CDH13: variants seen among roughly 807,000 people sequenced by gnomAD.
The protein encoded by CDH13 is cadherin 13, also known as cadherin-13.
Under a neutral mutation model 63.8 loss-of-function variants are expected in CDH13, and 24 were observed. That is an observed-to-expected ratio of 0.38 (90% CI 0.27 to 0.53). CDH13 has a LOEUF of 0.53. Among genes scored for constraint, CDH13 ranks in the 20% least tolerant of loss-of-function variants. CDH13 has a pLI of 0.85. For synonymous variants in CDH13, 503 were observed against 355.3 expected (o/e 1.42, Z -4.67); for missense variants, 1,049 against 903.1 (o/e 1.16, Z -2.07).
intron 13 of CDH13, among the ~76,000 whole-genome samples, chr16:83,793,984 A>G (rs187337311): frequency 2.0e-4 from 31 of 152,290 alleles, no homozygotes; most frequent in Admixed American, 2.0e-3. Flanking sequence ...GAGGGAGGTC[A>G]GAGGTGAAAA....
intron 7 of CDH13, among the ~76,000 whole-genome samples, chr16:83,535,936 AAAGG>A (rs999467515): frequency 2.3e-4 from 27 of 118,316 alleles, no homozygotes; most frequent in Admixed American, 8.0e-4. Flanking sequence ...AGAAGGAAGG[AAAGG>A]AAGGAAGGAA....
At chr16:83,056,250 C>T (rs905590431) in intron 3 of CDH13, among the ~76,000 whole-genome samples, 4 of 152,126 alleles carry the variant, frequency 2.6e-5, no homozygotes, top group African/African-American at 9.7e-5. Flanking sequence ...TCAGAATTCT[C>T]ACACACTGTA....
At chr16:83,481,915 C>A (rs190197737) in intron 6 of CDH13, among the ~76,000 whole-genome samples, 31 of 152,274 alleles carry the variant, frequency 2.0e-4, no homozygotes, top group African/African-American at 7.5e-4. Flanking sequence ...AAGTGGTGGA[C>A]ATGGAGTCCA....
At chr16:83,396,134 T>TTA (rs1273785566) in intron 6 of CDH13, among the ~76,000 whole-genome samples, 1 of 152,216 alleles carries the variant, frequency 6.6e-6, no homozygotes, top group East Asian at 1.9e-4. Flanking sequence ...TTATTCCTTT[T>TTA]TATGGCTGCA....
intron 5 of CDH13, among the ~76,000 whole-genome samples, chr16:83,252,917 TTGGATGG>T: frequency 6.6e-6 from 1 of 152,146 alleles, no homozygotes; most frequent in Non-Finnish European, 1.5e-5. Flanking sequence ...ACCTGTGTCC[TTGGATGG>T]TTGACCTTAA....
intron 1 of CDH13, among the ~76,000 whole-genome samples, chr16:82,791,108 G>T (rs1361593775): frequency 6.6e-6 from 1 of 152,124 alleles, no homozygotes; most frequent in Non-Finnish European, 1.5e-5. Flanking sequence ...GTGGTGGCAG[G>T]TGCCTGCAGT....
chr16:83,091,703 T>A (rs2151583742), intron 3 of CDH13, among the ~76,000 whole-genome samples: 1 of 152,372 alleles, frequency 6.6e-6, no homozygotes, highest in Non-Finnish European at 1.5e-5. Context: ...AAAATATATC[T>A]GCTAGGGTAT....
At chr16:83,412,685 G>A (rs2092145173) in intron 6 of CDH13, among the ~76,000 whole-genome samples, 1 of 152,140 alleles carries the variant, frequency 6.6e-6, no homozygotes, top group Non-Finnish European at 1.5e-5. Flanking sequence ...TGACAAGAAT[G>A]TATGCACTAC....
intron 1 of CDH13, among the ~76,000 whole-genome samples, chr16:82,666,038 A>G (rs1386040310): frequency 6.6e-6 from 1 of 152,204 alleles, no homozygotes; most frequent in Non-Finnish European, 1.5e-5. Context: ...ATATCTGTGT[A>G]TAAATCGTGT....
chr16:83,150,894 A>G (rs965738176), intron 4 of CDH13, among the ~76,000 whole-genome samples: 1 of 152,172 alleles, frequency 6.6e-6, no homozygotes, highest in Non-Finnish European at 1.5e-5. Flanking sequence ...CTGTCATTGT[A>G]GCACTTAGAT....
At position 83,428,537 on chromosome 16, in the gene CDH13, A is replaced by C. The variant is rs187163604; in HGVS notation, c.782-57940A>C. On this transcript the variant is annotated intron_variant, in intron 6 of 13. Transcript: ENST00000567109. Reference sequence around the variant, plus strand: ...TAACAATAACTTTTCATAACTTGTGATGTTTTGTTAAATAACTTCCTGAAC... The same window carrying C: ...TAACAATAACTTTTCATAACTTGTGCTGTTTTGTTAAATAACTTCCTGAAC... Among the ~76,000 whole-genome samples, 131 of 152,294 alleles carry C rather than the reference A, an allele frequency of 8.6e-4. No homozygotes were observed. In the East Asian group the frequency reaches 0.013, roughly 16 times the overall value.
intron 8 of CDH13, among the ~76,000 whole-genome samples, chr16:83,631,105 G>T (rs2150793205): frequency 6.6e-6 from 1 of 152,310 alleles, no homozygotes; most frequent in East Asian, 1.9e-4. Context: ...TGCTGGCATG[G>T]TTCTAGTGAA....
chr16:83,652,087 A>T (rs142153556), intron 8 of CDH13, among the ~76,000 whole-genome samples: 2,259 of 152,218 alleles, frequency 0.015, 28 homozygotes, highest in Non-Finnish European at 0.024. Flanking sequence ...GGACTCAGAA[A>T]CTCCATCAGC....
At chr16:82,860,386 TGTG>T (rs1311113829) in intron 2 of CDH13, among the ~76,000 whole-genome samples, 12 of 31,248 alleles carry the variant, frequency 3.8e-4, no homozygotes, top group African/African-American at 1.1e-3. Context: ...TGTGTGTGTG[TGTG>T]GGGGGGGGGG....
intron 2 of CDH13, among the ~76,000 whole-genome samples, chr16:83,030,472 A>G (rs1916201393): frequency 6.6e-6 from 1 of 151,600 alleles, no homozygotes; most frequent in African/African-American, 2.4e-5. Flanking sequence ...TGAAACCCCC[A>G]TCTCTACTAA....
intron 1 of CDH13, among the ~76,000 whole-genome samples, chr16:82,787,979 C>T (rs541988145): frequency 6.6e-6 from 1 of 152,240 alleles, no homozygotes; most frequent in Admixed American, 6.5e-5. Flanking sequence ...TCACTGTGTC[C>T]TCCCTTCTGT....
intron 8 of CDH13, among the ~76,000 whole-genome samples, chr16:83,623,912 C>G (rs950751699): frequency 1.3e-5 from 2 of 152,218 alleles, no homozygotes; most frequent in Non-Finnish European, 2.9e-5. Context: ...CTTGTATTTT[C>G]TCCGGAGTCA....
intron 10 of CDH13, among the ~76,000 whole-genome samples, chr16:83,680,701 A>G (rs570924962): frequency 1.3e-5 from 2 of 152,180 alleles, no homozygotes; most frequent in African/African-American, 2.4e-5. Flanking sequence ...AGTTCTGAGG[A>G]TCTTCCTGTT....
intron 3 of CDH13, among the ~76,000 whole-genome samples, chr16:83,098,124 A>T (rs1029225630): frequency 6.6e-6 from 1 of 152,224 alleles, no homozygotes; most frequent in Non-Finnish European, 1.5e-5. Flanking sequence ...ATAATCTTTG[A>T]GACCAAACAG....
Sources: gnomAD v4.1 joint callset for allele counts (sites outside exome capture counted in the v4.1 genomes callset) on GRCh38, gnomAD v4.1.1 for gene constraint, MANE v1.5 for transcripts, NCBI Gene and HGNC (gene_info 2026-07-23, HGNC 2026-07-21) for gene names.